The following MYO1H variants were observed in gnomAD, a reference collection of about 807,000 sequenced individuals.
MYO1H encodes myosin IH.
A neutral mutation model predicts 149.3 loss-of-function variants in MYO1H; 118 were observed. The ratio of observed to expected loss-of-function variants is 0.79; its 90% CI spans 0.68 to 0.92. MYO1H has a LOEUF of 0.92. Ranked by LOEUF, MYO1H falls within the 40% of genes least tolerant of loss-of-function variation. The pLI is 0.00. For missense variants in MYO1H, 1,212 were observed against 1,280.7 expected (o/e 0.95, Z 0.82); for synonymous variants, 447 against 465.2 (o/e 0.96, Z 0.50).
intron 1 of MYO1H, among the ~76,000 whole-genome samples, chr12:109,371,855 A>G (rs1056959345): frequency 2.6e-5 from 4 of 152,198 alleles, no homozygotes; most frequent in African/African-American, 9.6e-5. Flanking sequence ...CAGAGTGCCA[A>G]AAATGAAAAT....
the MYO1H span, among the ~76,000 whole-genome samples, chr12:109,322,004 G>A: frequency 3.3e-5 from 5 of 152,156 alleles, no homozygotes; most frequent in Non-Finnish European, 5.9e-5. Context: ...TCATGCTGTT[G>A]TCTGAGGCAG....
At chr12:109,348,425 G>T (rs2136991381) in intron 1 of MYO1H, among the ~76,000 whole-genome samples, 1 of 152,264 alleles carries the variant, frequency 6.6e-6, no homozygotes, top group South Asian at 2.1e-4. Context: ...GCATGGTTGG[G>T]TCTTAAATAA....
intron 28 of MYO1H, 60 bp downstream of exon 28, chr12:109,443,709 A>G: frequency 1.3e-6 from 2 of 1,590,432 alleles, no homozygotes; most frequent in Non-Finnish European, 8.6e-7. Flanking sequence ...TGGAAAGCCC[A>G]GTAATGAAGC....
intron 5 of MYO1H, among the ~76,000 whole-genome samples, chr12:109,398,874 TCAGCCATA>T (rs953620396): frequency 6.6e-6 from 1 of 151,902 alleles, no homozygotes; most frequent in Non-Finnish European, 1.5e-5. Context: ...TGTGAGCCAT[TCAGCCATA>T]CAGTCGCAAT....
rs971094488 is a variant in MYO1H, at chr12:109,427,650, G to T, written c.1949+64G>T. ...TGCCTACTACATGAGAATCTCTGGGGTTTAGTGGTAAATAAAATGGCATCC... is the reference window on the plus strand; with the variant it reads ...TGCCTACTACATGAGAATCTCTGGGTTTTAGTGGTAAATAAAATGGCATCC... On this transcript the variant is annotated intron_variant, in intron 19 of 31. Coordinates refer to ENST00000310903, the Ensembl canonical transcript of MYO1H. 3 of 1,170,992 alleles carry T rather than the reference G, an allele frequency of 2.6e-6. No individual in the cohort carries two copies. In the African/African-American group the frequency reaches 4.5e-5, roughly 18 times the overall value. 72.5% of individuals were successfully genotyped at this position (1,170,992 alleles called of 1,614,324 possible).
intron 19 of MYO1H, among the ~76,000 whole-genome samples, chr12:109,429,799 T>C (rs750095923): frequency 1.3e-5 from 2 of 152,168 alleles, no homozygotes; most frequent in Non-Finnish European, 2.9e-5. Context: ...TGAGGACATT[T>C]GGTGTCTTAG....
At chr12:109,318,972 G>GTTTTTGTTTTTTTTTTTTT in the MYO1H span, among the ~76,000 whole-genome samples, 8 of 77,238 alleles carry the variant, frequency 1.0e-4, no homozygotes, top group Non-Finnish European at 1.5e-4. Context: ...TTTTGGTTTT[G>GTTTTTGTTTTTTTTTTTTT]TTTTTTTTTT....
chr12:109,357,203 A>G (rs1004231466), intron 1 of MYO1H: 1 of 152,224 alleles, frequency 6.6e-6, no homozygotes, highest in Non-Finnish European at 1.5e-5. Flanking sequence ...TGGAAAGGTG[A>G]TGTCTCAACT....
intron 1 of MYO1H, among the ~76,000 whole-genome samples, chr12:109,358,795 A>ATTT (rs11327582): frequency 8.1e-6 from 1 of 123,552 alleles, no homozygotes; most frequent in Non-Finnish European, 1.6e-5. Flanking sequence ...AGGCTTTAAG[A>ATTT]TTTTTTTTTT....
At chr12:109,376,181 A>G (rs1869084277) in intron 1 of MYO1H, among the ~76,000 whole-genome samples, 1 of 152,222 alleles carries the variant, frequency 6.6e-6, no homozygotes, top group Non-Finnish European at 1.5e-5. Context: ...AGAGTTACAC[A>G]ACCATCAACA....
chr12:109,412,947 G>A (rs563439259), intron 14 of MYO1H, among the ~76,000 whole-genome samples: 6 of 139,856 alleles, frequency 4.3e-5, no homozygotes, highest in African/African-American at 1.7e-4. Flanking sequence ...CACTACGCCC[G>A]GCTAATTTGT....
chr12:109,361,242 A>G (rs1236059955), intron 1 of MYO1H, among the ~76,000 whole-genome samples: 4 of 152,184 alleles, frequency 2.6e-5, no homozygotes, highest in Non-Finnish European at 5.9e-5. Flanking sequence ...AATAAATTAT[A>G]AAGTGTACAC....
upstream of MYO1H, among the ~76,000 whole-genome samples, chr12:109,345,147 A>G (rs555730847): frequency 5.3e-5 from 8 of 152,334 alleles, no homozygotes; most frequent in South Asian, 1.4e-3. Flanking sequence ...AAAGGATACT[A>G]TCAAGAAAGT....
At chr12:109,433,234 C>T (rs1871715734) in intron 20 of MYO1H, among the ~76,000 whole-genome samples, 1 of 152,202 alleles carries the variant, frequency 6.6e-6, no homozygotes. Context: ...AACTTCCGCA[C>T]TAAACTGATT....
intron 2 of MYO1H, among the ~76,000 whole-genome samples, chr12:109,390,678 T>C (rs1869608800): frequency 6.6e-6 from 1 of 151,554 alleles, no homozygotes; most frequent in Admixed American, 6.6e-5. Flanking sequence ...TTTTTTTTTC[T>C]TTTTCATATG....
upstream of MYO1H, among the ~76,000 whole-genome samples, chr12:109,343,472 T>C (rs374144436): frequency 6.6e-6 from 1 of 152,232 alleles, no homozygotes; most frequent in East Asian, 1.9e-4. Flanking sequence ...TGACATTGCT[T>C]AGAATTGCTA....
At chr12:109,359,796 C>T (rs887192895) in intron 1 of MYO1H, among the ~76,000 whole-genome samples, 1 of 152,212 alleles carries the variant, frequency 6.6e-6, no homozygotes, top group African/African-American at 2.4e-5. Context: ...TATCTGCAAG[C>T]GTTTCCATCC....
Position 109,442,274 on chromosome 12 carries a change from T to G in MYO1H, c.2688+2T>G. On this transcript the variant is annotated splice_donor_variant, in intron 27 of 31. Transcript: ENST00000310903. LOFTEE classifies it high-confidence loss of function. ...CTAATTAGCCATGAGAAAATCCAGGTAAGGCGATGTGTGTCCTCAGTCTCA... is the reference window on the plus strand; with the variant it reads ...CTAATTAGCCATGAGAAAATCCAGGGAAGGCGATGTGTGTCCTCAGTCTCA... 1 of 1,613,374 alleles carries G rather than the reference T, an allele frequency of 6.2e-7. No homozygotes were observed. The highest frequency in any genetic ancestry group is 1.7e-5 in the Admixed American group (1 of 60,016).
At chr12:109,365,267 C>A (rs937408939) in intron 1 of MYO1H, among the ~76,000 whole-genome samples, 2 of 152,184 alleles carry the variant, frequency 1.3e-5, no homozygotes, top group African/African-American at 2.4e-5. Context: ...CAGAGCAAGA[C>A]CCTGTCTCTT....
Sources: gnomAD v4.1 joint callset for allele counts (sites outside exome capture counted in the v4.1 genomes callset) on GRCh38, gnomAD v4.1.1 for gene constraint, MANE v1.5 for transcripts, NCBI Gene and HGNC (gene_info 2026-07-23, HGNC 2026-07-21) for gene names.